Variants in MTMR12 observed in about 807,000 individuals in gnomAD.
MTMR12 encodes the protein myotubularin-related protein 12.
In MTMR12, 33 loss-of-function variants were observed where a neutral mutation model predicts 96.7. The ratio of observed to expected loss-of-function variants is 0.34; its 90% CI spans 0.26 to 0.46. The LOEUF (loss-of-function observed/expected upper bound fraction) is 0.46. MTMR12 is among the 20% of genes least tolerant of loss of function. MTMR12 has a pLI of 1.00. For synonymous variants in MTMR12, 298 were observed against 327.2 expected (o/e 0.91, Z 0.96); for missense variants, 721 against 896.1 (o/e 0.80, Z 2.49).
At chr5:32,310,443 T>G (rs1191753227) in intron 1 of MTMR12, among the ~76,000 whole-genome samples, 1 of 152,178 alleles carries the variant, frequency 6.6e-6, no homozygotes, top group Non-Finnish European at 1.5e-5. Flanking sequence ...GAAAATGTGG[T>G]ACATACACAC....
chr5:32,264,443 G>A (rs1278687252), intron 6 of MTMR12, among the ~76,000 whole-genome samples: 2 of 151,880 alleles, frequency 1.3e-5, no homozygotes, highest in African/African-American at 4.8e-5. Flanking sequence ...TAGGTACCAG[G>A]TACTGTTCTG....
intron 1 of MTMR12, among the ~76,000 whole-genome samples, chr5:32,291,186 G>A (rs1029024536): frequency 1.3e-5 from 2 of 152,068 alleles, no homozygotes; most frequent in African/African-American, 4.8e-5. Context: ...AGAAAACTAG[G>A]GCCTGGTTCA....
intron 15 of MTMR12, among the ~76,000 whole-genome samples, chr5:32,232,340 CTG>C (rs1748030230): frequency 1.3e-5 from 2 of 152,246 alleles, no homozygotes; most frequent in Admixed American, 6.5e-5. Context: ...CCCGTCCCAA[CTG>C]TGATTTAGCT....
At chr5:32,230,386 T>A in intron 15 of MTMR12, 39 bp from the exon 16 acceptor site, 2 of 1,524,404 alleles carry the variant, frequency 1.3e-6, no homozygotes, top group East Asian at 2.2e-5. Flanking sequence ...CTGGTTAACA[T>A]AACAGGCACA....
chr5:32,270,179 G>A (rs973397637), intron 5 of MTMR12, among the ~76,000 whole-genome samples: 2 of 151,878 alleles, frequency 1.3e-5, no homozygotes, highest in Admixed American at 6.6e-5. Flanking sequence ...GACTTCAGCC[G>A]GGGTGACAGA....
At chr5:32,277,043 G>A (rs1209313393) in intron 1 of MTMR12, among the ~76,000 whole-genome samples, 37 of 151,802 alleles carry the variant, frequency 2.4e-4, no homozygotes, top group Admixed American at 2.0e-4. Context: ...GTGCCACCAC[G>A]CCCAGCTAAT....
chr5:32,297,101 TAAA>T (rs762533446), intron 1 of MTMR12, among the ~76,000 whole-genome samples: 7 of 126,714 alleles, frequency 5.5e-5, no homozygotes, highest in Non-Finnish European at 8.5e-5. Context: ...AGACTCCGTC[TAAA>T]AAAAAAAAAA....
chr5:32,253,326 T>A (rs1749015643), intron 8 of MTMR12, among the ~76,000 whole-genome samples: 1 of 152,160 alleles, frequency 6.6e-6, no homozygotes, highest in African/African-American at 2.4e-5. Context: ...AAGGATTGGG[T>A]ATTCTAGGTT....
At chr5:32,287,133 A>C (rs1750568885) in intron 1 of MTMR12, among the ~76,000 whole-genome samples, 1 of 152,242 alleles carries the variant, frequency 6.6e-6, no homozygotes, top group Non-Finnish European at 1.5e-5. Context: ...AAATGAGCAG[A>C]AATTAGTTCC....
chr5:32,240,884 A>G (rs1748440841), intron 12 of MTMR12, among the ~76,000 whole-genome samples: 1 of 152,170 alleles, frequency 6.6e-6, no homozygotes. Flanking sequence ...TACAGGTGTG[A>G]GCCACCGTGT....
chr5:32,270,178 C>T (rs1412536145), intron 5 of MTMR12, among the ~76,000 whole-genome samples: 7 of 151,350 alleles, frequency 4.6e-5, no homozygotes, highest in South Asian at 2.1e-4. Context: ...GGACTTCAGC[C>T]GGGGTGACAG....
chr5:32,270,667 C>A (rs1041344294), intron 5 of MTMR12, 150 bp downstream of exon 5: 1 of 800,676 alleles, frequency 1.2e-6, no homozygotes, highest in Admixed American at 2.8e-5. Flanking sequence ...TTACTTTTCA[C>A]GTTCTAATCA....
chr5:32,276,873 CTTTTTTTTTT>C (rs779455702), intron 1 of MTMR12, 131 bp from the exon 2 acceptor site: 186 of 123,688 alleles, frequency 1.5e-3, no homozygotes, highest in Middle Eastern at 5.6e-3. Context: ...TTACAAGCTA[CTTTTTTTTTT>C]TTTTTTTTTT....
intron 6 of MTMR12, among the ~76,000 whole-genome samples, chr5:32,265,933 G>A (rs1749573733): frequency 6.6e-6 from 1 of 152,188 alleles, no homozygotes; most frequent in Admixed American, 6.5e-5. Flanking sequence ...GCAAGGCCAG[G>A]ATTTGAACAC....
intron 7 of MTMR12, among the ~76,000 whole-genome samples, chr5:32,257,837 T>G (rs546817487): frequency 3.3e-5 from 5 of 151,960 alleles, no homozygotes; most frequent in Admixed American, 6.6e-5. Flanking sequence ...GTAGCTCACA[T>G]TGTAATATCA....
intron 2 of MTMR12, among the ~76,000 whole-genome samples, chr5:32,274,433 C>G (rs1257657634): frequency 6.6e-6 from 1 of 152,082 alleles, no homozygotes; most frequent in Non-Finnish European, 1.5e-5. Context: ...CACTTTCACG[C>G]AGAAATCTTA....
chr5:32,301,538 A>C (rs557205060), intron 1 of MTMR12, among the ~76,000 whole-genome samples: 2 of 151,618 alleles, frequency 1.3e-5, no homozygotes, highest in Non-Finnish European at 2.9e-5. Flanking sequence ...GGAGGAACAT[A>C]GATTTTTTTA....
intron 15 of MTMR12, among the ~76,000 whole-genome samples, chr5:32,230,696 T>A (rs1020362176): frequency 6.6e-6 from 1 of 152,206 alleles, no homozygotes; most frequent in Non-Finnish European, 1.5e-5. Context: ...TAACTTAAGA[T>A]AGTTTAATGA....
chr5:32,271,081 A>T, intron 4 of MTMR12, 134 bp from the exon 5 acceptor site: 1 of 1,074,992 alleles, frequency 9.3e-7, no homozygotes, highest in Non-Finnish European at 1.3e-6. Flanking sequence ...CCTGACTTTT[A>T]AGTGACTGCC....
Sources: gnomAD v4.1 joint callset for allele counts (sites outside exome capture counted in the v4.1 genomes callset) on GRCh38, gnomAD v4.1.1 for gene constraint, MANE v1.5 for transcripts, NCBI Gene and HGNC (gene_info 2026-07-23, HGNC 2026-07-21) for gene names.